Variants in SYTL4 observed in about 807,000 individuals in gnomAD.
SYTL4 encodes the protein synaptotagmin-like protein 4.
A neutral mutation model predicts 52.7 loss-of-function variants in SYTL4; 16 were observed. The observed-to-expected ratio is 0.30, with a 90% CI of 0.21 to 0.46. The LOEUF is 0.46. Ranked by LOEUF, SYTL4 falls within the 20% of genes least tolerant of loss-of-function variation. The pLI is 1.00. For missense variants in SYTL4, 423 were observed against 519.9 expected, an observed-to-expected ratio of 0.81 and a Z score of 1.81; for synonymous variants, 160 against 186.6, an observed-to-expected ratio of 0.86 and a Z score of 1.16.
At chrX:100,719,059 G>C (rs1337583270) in intron 2 of SYTL4, among the ~76,000 whole-genome samples, 1 of 111,145 alleles carries the variant, frequency 9.0e-6, no homozygotes, top group Non-Finnish European at 1.9e-5. Flanking sequence ...GCCTCCCAAC[G>C]TGCTGGGATT....
chrX:100,692,821 A>G (rs949177933), intron 8 of SYTL4, among the ~76,000 whole-genome samples: 1 of 111,331 alleles, frequency 9.0e-6, no homozygotes, highest in African/African-American at 3.3e-5. Flanking sequence ...ATTATGTCCA[A>G]ACTTCTTCCT....
chrX:100,701,022 C>T, intron 7 of SYTL4, 23 bp from the exon 8 acceptor site: 13 of 1,146,657 alleles, frequency 1.1e-5, no homozygotes, highest in Non-Finnish European at 1.6e-5. Flanking sequence ...GAAAAGTATG[C>T]CAGGGTGGTG....
intron 2 of SYTL4, among the ~76,000 whole-genome samples, chrX:100,719,914 A>G (rs938344862): frequency 9.0e-6 from 1 of 111,689 alleles, no homozygotes; most frequent in African/African-American, 3.3e-5. Context: ...AATACTATAT[A>G]TTCATTTCTC....
chrX:100,721,960 C>T (rs944546629), intron 2 of SYTL4, among the ~76,000 whole-genome samples: 11 of 109,957 alleles, frequency 1.0e-4, no homozygotes, highest in African/African-American at 3.3e-4. Flanking sequence ...CGCCACCATG[C>T]CCGGCTAATT....
At chrX:100,687,466 C>G (rs41306267) in intron 13 of SYTL4, 2 of 390,292 alleles carry the variant, frequency 5.1e-6, no homozygotes, top group Non-Finnish European at 8.9e-6. Flanking sequence ...CACCTAGCCT[C>G]TTAGCTTCTC....
intron 2 of SYTL4, among the ~76,000 whole-genome samples, chrX:100,727,875 G>T (rs532884298): frequency 8.9e-6 from 1 of 111,762 alleles, no homozygotes; most frequent in African/African-American, 3.3e-5. Flanking sequence ...GAGGGAAGAG[G>T]GTGGGAATAC....
intron 2 of SYTL4, among the ~76,000 whole-genome samples, chrX:100,730,518 A>T (rs757597759): frequency 7.2e-5 from 8 of 111,431 alleles, no homozygotes; most frequent in Non-Finnish European, 1.3e-4. Context: ...TTATAACTGT[A>T]GCACCTACTG....
intron 2 of SYTL4, among the ~76,000 whole-genome samples, chrX:100,707,090 C>T (rs2083971663): frequency 9.0e-6 from 1 of 110,896 alleles, no homozygotes; most frequent in Non-Finnish European, 1.9e-5. Flanking sequence ...AGTTGAACAA[C>T]AAAATGAGCT....
chrX:100,727,260 C>T (rs1490151736), intron 2 of SYTL4, among the ~76,000 whole-genome samples: 1 of 112,033 alleles, frequency 8.9e-6, no homozygotes, highest in African/African-American at 3.2e-5. Context: ...AGTGTTCTTA[C>T]AAACAAATCA....
chrX:100,691,366 T>C (rs1270828978), intron 8 of SYTL4, among the ~76,000 whole-genome samples, 157 bp from the exon 9 acceptor site: 1 of 111,690 alleles, frequency 9.0e-6, no homozygotes, highest in Non-Finnish European at 1.9e-5. Flanking sequence ...AATTAAGAAA[T>C]AAGGTCTCGC....
chrX:100,731,002 C>T (rs1415136591), intron 2 of SYTL4, among the ~76,000 whole-genome samples: 5 of 110,832 alleles, frequency 4.5e-5, no homozygotes, highest in Non-Finnish European at 9.4e-5. Flanking sequence ...TCATTTTTGC[C>T]ACAAATATAC....
At chrX:100,722,750 C>T (rs1388365955) in intron 2 of SYTL4, among the ~76,000 whole-genome samples, 1 of 112,055 alleles carries the variant, frequency 8.9e-6, no homozygotes, top group Non-Finnish European at 1.9e-5. Context: ...CAAAGCCAGA[C>T]AGATTTCTCT....
chrX:100,700,095 G>T (rs1460801822), intron 8 of SYTL4, among the ~76,000 whole-genome samples: 1 of 111,255 alleles, frequency 9.0e-6, no homozygotes, highest in Non-Finnish European at 1.9e-5. Flanking sequence ...ACAGCTAAAA[G>T]GGTAAAGGGT....
chrX:100,714,047 G>C (rs1306075910), intron 2 of SYTL4, among the ~76,000 whole-genome samples: 1 of 111,014 alleles, frequency 9.0e-6, no homozygotes, highest in East Asian at 2.8e-4. Flanking sequence ...CTTAATTCTG[G>C]TGATAGTTTC....
intron 16 of SYTL4, chrX:100,685,193 T>A (rs1474605530): frequency 1.8e-5 from 2 of 112,077 alleles, no homozygotes; most frequent in African/African-American, 6.5e-5. Context: ...AACTAAATAT[T>A]CCTTCTACCT....
intron 8 of SYTL4, among the ~76,000 whole-genome samples, chrX:100,698,313 C>T (rs911006691): frequency 2.7e-5 from 3 of 110,796 alleles, no homozygotes; most frequent in South Asian, 4.0e-4. Flanking sequence ...CCGTGTTAGC[C>T]AGGATGGTCT....
At chrX:100,711,949 T>A (rs767613068) in intron 2 of SYTL4, among the ~76,000 whole-genome samples, 1 of 110,470 alleles carries the variant, frequency 9.1e-6, no homozygotes, top group South Asian at 3.9e-4. Context: ...AAATTTATCA[T>A]TGGAATCAAT....
At chrX:100,698,422 A>G (rs139132650) in intron 8 of SYTL4, among the ~76,000 whole-genome samples, 4 of 111,954 alleles carry the variant, frequency 3.6e-5, no homozygotes, top group African/African-American at 1.3e-4. Flanking sequence ...CTAAACTTCA[A>G]GAAAAAGAAA....
At chrX:100,705,508 T>C (rs927975192) in intron 2 of SYTL4, among the ~76,000 whole-genome samples, 1 of 111,364 alleles carries the variant, frequency 9.0e-6, no homozygotes, top group African/African-American at 3.3e-5. Context: ...TGAATTCCCA[T>C]ATGTGTGATT....
Sources: gnomAD v4.1 joint callset for allele counts (sites outside exome capture counted in the v4.1 genomes callset) on GRCh38, gnomAD v4.1.1 for gene constraint, MANE v1.5 for transcripts, NCBI Gene and HGNC (gene_info 2026-07-23, HGNC 2026-07-21) for gene names.